Variants in CACHD1 observed in about 807,000 individuals in gnomAD.
The protein encoded by CACHD1 is VWFA and cache domain-containing protein 1.
Under a neutral mutation model 138.7 loss-of-function variants are expected in CACHD1, and 71 were observed. The observed-to-expected ratio is 0.51, with a 90% CI of 0.42 to 0.62. The LOEUF is 0.62. Among genes scored for constraint, CACHD1 ranks in the 20% least tolerant of loss-of-function variants. The pLI, the probability that CACHD1 is intolerant of heterozygous loss-of-function variation, is 0.00. For missense variants in CACHD1, 1,389 were observed against 1,625.3 expected (o/e 0.85, Z 2.50); for synonymous variants, 578 against 591.5 (o/e 0.98, Z 0.33).
intron 5 of CACHD1, 52 bp from the exon 6 acceptor site, chr1:64,632,547 A>G (rs1336500850): frequency 5.6e-6 from 9 of 1,599,528 alleles, no homozygotes; most frequent in Non-Finnish European, 7.7e-6. Context: ...TGTTAAGTTG[A>G]GGCCCTTTAC....
intron 1 of CACHD1, among the ~76,000 whole-genome samples, chr1:64,548,132 T>C (rs2100447301): frequency 6.6e-6 from 1 of 152,176 alleles, no homozygotes; most frequent in East Asian, 1.9e-4. Context: ...GGGCATATAT[T>C]CTTTATTACT....
At chr1:64,596,250 CTTTG>C (rs1338143961) in intron 3 of CACHD1, among the ~76,000 whole-genome samples, 1 of 152,134 alleles carries the variant, frequency 6.6e-6, no homozygotes, top group African/African-American at 2.4e-5. Context: ...TTAGCTCTTT[CTTTG>C]TTTAACTTTA....
At chr1:64,654,907 G>A (rs1649216121) in intron 12 of CACHD1, 104 bp downstream of exon 12, 3 of 761,382 alleles carry the variant, frequency 3.9e-6, no homozygotes, top group Non-Finnish European at 6.8e-6. Context: ...CTGATAATTT[G>A]TCTCGTAATG....
In CACHD1 at chr1:64,666,848, CAAAA is replaced by C. The variant is rs946649209; in HGVS notation, c.2387+702_2387+705del. On this transcript the variant is annotated intron_variant, in intron 16 of 26. Coordinates refer to ENST00000651257, the MANE Select transcript of CACHD1 (RefSeq NM_020925.4). ...TGGGTGACAGCGTGAGATCCTGTCTCAAAAAAAAAAAAAAAAAAAAAAAACGAGA... is the reference window on the plus strand; with the variant it reads ...TGGGTGACAGCGTGAGATCCTGTCTCAAAAAAAAAAAAAAAAAAAACGAGA... 2.1e-4 allele frequency among the ~76,000 whole-genome samples: 7 copies of C among 33,966 alleles called. No individual in the cohort carries two copies. In the South Asian group the frequency reaches 5.0e-3, roughly 24 times the overall value. 22.3% of individuals were successfully genotyped at this position (33,966 alleles called of 152,430 possible).
intron 6 of CACHD1, 28 bp from the exon 7 acceptor site, chr1:64,634,016 T>TA: frequency 1.4e-6 from 2 of 1,423,254 alleles, no homozygotes; most frequent in Non-Finnish European, 1.9e-6. Context: ...ACAAGTTTGG[T>TA]GGTTTTTTTT....
chr1:64,522,403 G>A (rs1329778225), intron 1 of CACHD1, among the ~76,000 whole-genome samples: 1 of 152,026 alleles, frequency 6.6e-6, no homozygotes, highest in Non-Finnish European at 1.5e-5. Flanking sequence ...TGCCTCCTGG[G>A]TTCAAGCAAT....
At chr1:64,588,258 T>C (rs1250390270) in intron 3 of CACHD1, among the ~76,000 whole-genome samples, 1 of 152,140 alleles carries the variant, frequency 6.6e-6, no homozygotes, top group Non-Finnish European at 1.5e-5. Context: ...ATTCTCATTC[T>C]CTCAAGTTTT....
chr1:64,538,441 G>C (rs1165716614), intron 1 of CACHD1, among the ~76,000 whole-genome samples: 1 of 152,174 alleles, frequency 6.6e-6, no homozygotes, highest in Non-Finnish European at 1.5e-5. Context: ...CTTAGCATTA[G>C]TAGCTTTTCA....
At chr1:64,657,157 T>C (rs1418280019) in intron 12 of CACHD1, among the ~76,000 whole-genome samples, 1 of 152,094 alleles carries the variant, frequency 6.6e-6, no homozygotes, top group African/African-American at 2.4e-5. Flanking sequence ...ATTCACATGT[T>C]CCCATGTTAC....
chr1:64,588,191 C>G (rs1033986943), intron 3 of CACHD1, among the ~76,000 whole-genome samples: 1 of 152,168 alleles, frequency 6.6e-6, no homozygotes, highest in Non-Finnish European at 1.5e-5. Flanking sequence ...ATAGATTTGA[C>G]TTAAGAAAAA....
intron 26 of CACHD1, among the ~76,000 whole-genome samples, chr1:64,687,147 T>G (rs903335911): frequency 6.6e-6 from 1 of 152,234 alleles, no homozygotes; most frequent in African/African-American, 2.4e-5. Context: ...AAATAAATTT[T>G]TCCTTGAAAG....
intron 1 of CACHD1, among the ~76,000 whole-genome samples, chr1:64,499,157 C>T (rs1405327195): frequency 6.6e-6 from 1 of 152,132 alleles, no homozygotes; most frequent in Admixed American, 6.5e-5. Flanking sequence ...GTTTTACCAG[C>T]AGCATTTTGT....
chr1:64,575,836 C>G (rs1570382015), intron 2 of CACHD1, among the ~76,000 whole-genome samples: 1 of 152,096 alleles, frequency 6.6e-6, no homozygotes, highest in African/African-American at 2.4e-5. Context: ...ATGTGCCCAC[C>G]CCACCCCCAA....
chr1:64,482,415 T>C (rs1459751169), intron 1 of CACHD1, among the ~76,000 whole-genome samples: 1 of 152,204 alleles, frequency 6.6e-6, no homozygotes, highest in East Asian at 1.9e-4. Context: ...ATAACTTTGC[T>C]TGGTGGTGCC....
rs772127497 is a variant in CACHD1, at chr1:64,673,113, A to AG, written c.2511-45_2511-44insG. The AG allele has an allele frequency of 7.9e-6, 12 of 1,519,498 alleles. No individual in the cohort carries two copies. In the East Asian group the frequency reaches 2.0e-4, roughly 26 times the overall value. 94.1% of individuals were successfully genotyped at this position (1,519,498 alleles called of 1,614,324 possible). A position where few individuals can be genotyped will look rare whatever the true frequency, so the allele number is the denominator to read the frequency against. The stretch of plus-strand genomic sequence containing the variant: ...CTCTCTGAATACGTTTGAAAAAAAA[A>AG]AAAACAGCTGATATGAATGAGGGGC... On this transcript the variant is annotated intron_variant, in intron 17 of 26. Coordinates refer to ENST00000651257, the MANE Select transcript of CACHD1 (RefSeq NM_020925.4).
intron 2 of CACHD1, among the ~76,000 whole-genome samples, chr1:64,558,888 GAAGAA>G (rs1646818317): frequency 2.0e-5 from 3 of 152,146 alleles, no homozygotes; most frequent in South Asian, 4.1e-4. Flanking sequence ...ACAAGCATAT[GAAGAA>G]AAGCTCAATA....
chr1:64,649,282 G>A (rs1158949888), intron 9 of CACHD1, among the ~76,000 whole-genome samples: 3 of 151,924 alleles, frequency 2.0e-5, no homozygotes, highest in Admixed American at 6.6e-5. Flanking sequence ...CTGCAGCCTC[G>A]ACCTCCTGGC....
intron 1 of CACHD1, among the ~76,000 whole-genome samples, chr1:64,526,082 T>A (rs1333431653): frequency 6.6e-6 from 1 of 152,216 alleles, no homozygotes; most frequent in African/African-American, 2.4e-5. Flanking sequence ...GGTCAGATGA[T>A]GGTGAGTTTG....
At chr1:64,478,335 T>C (rs1646188808) in intron 1 of CACHD1, among the ~76,000 whole-genome samples, 1 of 152,144 alleles carries the variant, frequency 6.6e-6, no homozygotes, top group Non-Finnish European at 1.5e-5. Flanking sequence ...TTGTTTTTCT[T>C]AAAGGCTGGC....
Sources: allele counts gnomAD v4.1 joint callset (sites outside exome capture counted in the v4.1 genomes callset), GRCh38; gene constraint gnomAD v4.1.1; transcripts MANE v1.5; gene names NCBI Gene and HGNC (gene_info 2026-07-23, HGNC 2026-07-21).